Variants in MYH14 observed in about 807,000 individuals in gnomAD.
The protein encoded by MYH14 is myosin heavy chain 14.
Under a neutral mutation model 255.5 loss-of-function variants are expected in MYH14, and 123 were observed. The ratio of observed to expected loss-of-function variants is 0.48; its 90% CI spans 0.42 to 0.56. The LOEUF is 0.56. Among genes scored for constraint, MYH14 ranks in the 20% least tolerant of loss-of-function variants. The pLI, the probability that MYH14 is intolerant of heterozygous loss-of-function variation, is 0.00. For synonymous variants in MYH14, 1,095 were observed against 1,161.2 expected, an observed-to-expected ratio of 0.94 and a Z score of 1.16; for missense variants, 2,423 against 2,802.3, an observed-to-expected ratio of 0.86 and a Z score of 3.06.
Position 50,252,331 on chromosome 19 carries a change from G to A in MYH14, c.1831-308G>A, listed in dbSNP as rs1239373053. ...GCAGGAACCGCAGGGGTAAAACCCC[G>A]AGGTGGGAGTAAGCTCGCATGTTTG... On this transcript the variant is annotated intron_variant, in intron 15 of 42. Transcript: ENST00000642316. The surrounding 1 kb of genome is among the most constrained non-coding windows in gnomAD (Gnocchi z 4.2). Among the ~76,000 whole-genome samples the A allele has an allele frequency of 4.6e-5, 7 of 152,300 alleles. No individual in the cohort carries two copies. The highest frequency in any genetic ancestry group is 1.4e-4 in the African/African-American group (6 of 41,578).
chr19:50,293,027 G>A lies in MYH14; in HGVS notation c.5257-206G>A, dbSNP rs1373121633. 2.0e-5 allele frequency among the ~76,000 whole-genome samples: 3 copies of A among 151,904 alleles called. No homozygotes were observed. Among genetic ancestry groups the A allele is most frequent in the Non-Finnish European group, 2.9e-5 (2 of 67,948 alleles). On this transcript the variant is annotated intron_variant, in intron 37 of 42. Coordinates refer to ENST00000642316, the MANE Select transcript of MYH14 (RefSeq NM_001145809.2). This position sits in a 1 kb window ranked among gnomAD's most constrained non-coding sequence, Gnocchi z 4.1. Reference sequence around the variant, plus strand: ...GGTGGAGAGGGTGAGGGGCCTGGGGGTTGGGCTGCAAGAGGTGAGCACAGG... The same window carrying A: ...GGTGGAGAGGGTGAGGGGCCTGGGGATTGGGCTGCAAGAGGTGAGCACAGG...
intron 6 of MYH14, chr19:50,224,690 G>A (rs1600882345): frequency 2.4e-6 from 1 of 417,926 alleles, no homozygotes; most frequent in Non-Finnish European, 4.8e-6. Flanking sequence ...AGGGAAGTTT[G>A]GAGTAGAGTT....
chr19:50,300,610 G>C (rs2036447353), intron 39 of MYH14, among the ~76,000 whole-genome samples: 4 of 152,126 alleles, frequency 2.6e-5, no homozygotes. Context: ...TTAGCCAGTT[G>C]TGGTGGCAGG....
At chr19:50,299,562 C>T (rs2036402661) in intron 39 of MYH14, among the ~76,000 whole-genome samples, 1 of 96,804 alleles carries the variant, frequency 1.0e-5, no homozygotes, top group South Asian at 4.1e-4. Flanking sequence ...CAGAGCAAGA[C>T]TCCATCTCAA....
Position 50,224,115 on chromosome 19 carries a change from G to C in MYH14, c.694-39G>C, listed in dbSNP as rs779320015. On this transcript the variant is annotated intron_variant, in intron 5 of 42. Transcript: ENST00000642316. ...TGTGTCTGTCCACGTTCCATGTGCT[G>C]TGTCCTGGTCCGTGTCTCGTGTCCC... The C allele has an allele frequency of 5.2e-5, 83 of 1,593,580 alleles. 2 individuals are homozygous for C. In the Middle Eastern group the frequency reaches 1.3e-3, roughly 26 times the overall value.
At chr19:50,244,431 C>A in intron 11 of MYH14, 94 bp downstream of exon 11, 1 of 933,526 alleles carries the variant, frequency 1.1e-6, no homozygotes, top group Non-Finnish European at 1.7e-6. Context: ...AGAGCATCCC[C>A]CTTCCAGCCA....
In MYH14 at chr19:50,281,735, C is replaced by T. The variant is rs199551130; in HGVS notation, c.4432C>T (p.Arg1478Trp). ...EKTETVDRLE[R>W]GRRRLQQELD... is the part of the protein sequence containing the mutation. Reference sequence around the variant, plus strand: ...GACAGAGACCGTGGATCGGCTGGAGCGGGGCCGCCGCCGGCTGCAGCAGGA... The same window carrying T: ...GACAGAGACCGTGGATCGGCTGGAGTGGGGCCGCCGCCGGCTGCAGCAGGA... Residue 1478 changes from arginine to tryptophan, a missense_variant, in exon 33 of 43, where the codon CGG becomes TGG. Coordinates refer to ENST00000642316, the MANE Select transcript of MYH14 (RefSeq NM_001145809.2). 4.0e-5 allele frequency: 65 copies of T among 1,611,280 alleles called. No individual in the cohort carries two copies. The highest frequency in any genetic ancestry group is 4.7e-5 in the Non-Finnish European group (56 of 1,179,556).
At chr19:50,268,444 C>T (rs902726554) in intron 24 of MYH14, 77 bp downstream of exon 24, 11 of 1,438,154 alleles carry the variant, frequency 7.6e-6, no homozygotes, top group Non-Finnish European at 9.4e-6. Flanking sequence ...TTCTACAAAC[C>T]GTGTGTCTTT....
At position 50,244,308 on chromosome 19, in the gene MYH14, C is replaced by T; in HGVS notation, c.1181C>T (p.Thr394Ile). The T allele has an allele frequency of 1.2e-6, 2 of 1,613,676 alleles. No individual in the cohort carries two copies. The highest frequency in any genetic ancestry group is 1.7e-5 in the Admixed American group (1 of 59,982). ...GNIALKRERN[T>I]DQATMPDNTA... Reference sequence around the variant, plus strand: ...ATTGCCTTGAAGAGAGAACGGAACACCGATCAAGCCACCATGCCTGACAAC... The same window carrying T: ...ATTGCCTTGAAGAGAGAACGGAACATCGATCAAGCCACCATGCCTGACAAC... The change falls in exon 11 of 43, where the codon ACC (threonine) becomes ATC (isoleucine). Residue 394 changes from threonine (T) to isoleucine (I), a missense_variant. Thr to Ile is a moderately conservative substitution (Grantham distance 89, BLOSUM62 -1). This residue lies in a region of MYH14 where 672 missense variants were observed against 881.8 expected (regional missense o/e 0.76). Transcript: ENST00000642316.
In MYH14 at chr19:50,271,594, T is replaced by C. The variant is rs776331087; in HGVS notation, c.3171+48T>C. The C allele has an allele frequency of 1.9e-6, 3 of 1,580,356 alleles. No individual in the cohort carries two copies. In the Admixed American group the frequency reaches 5.5e-5, roughly 29 times the overall value. The stretch of plus-strand genomic sequence containing the variant: ...GGAAAGTGGGGATGGGGTGCATTGG[T>C]GGGTTAATGAATGGTGAACTTCACG... On this transcript the variant is annotated intron_variant, in intron 25 of 42. Coordinates refer to ENST00000642316, the MANE Select transcript of MYH14 (RefSeq NM_001145809.2).
chr19:50,262,040 G>A (rs1051967179), intron 21 of MYH14, among the ~76,000 whole-genome samples: 2 of 152,144 alleles, frequency 1.3e-5, no homozygotes, highest in African/African-American at 4.8e-5. Context: ...TAGAGTCCCA[G>A]TCCCGGGTGA....
chr19:50,303,925 A>G (rs1241354141), intron 40 of MYH14, among the ~76,000 whole-genome samples: 1 of 152,242 alleles, frequency 6.6e-6, no homozygotes, highest in East Asian at 1.9e-4. Context: ...AATGAACAGA[A>G]TATTTATTAC....
chr19:50,248,998 G>T lies in MYH14; in HGVS notation c.1341G>T (p.Ala447=), dbSNP rs1216791654. 1.5e-5 allele frequency: 24 copies of T among 1,613,514 alleles called. No individual in the cohort carries two copies. Among genetic ancestry groups the T allele is most frequent in the Non-Finnish European group, 2.0e-5 (24 of 1,179,798 alleles). The change falls in exon 13 of 43, where the codon GCG becomes GCT. Residue 447 remains alanine, a synonymous_variant. Transcript: ENST00000642316. ...GCCCTGTCCCACAGGCTGACTTCGC[G>T]CTGGAGGCCCTGGCCAAGGCCACCT... The part of the protein sequence containing the change: ...KAQTKEQADF[A]LEALAKATYE...
intron 11 of MYH14, among the ~76,000 whole-genome samples, 155 bp from the exon 12 acceptor site, chr19:50,246,847 GAA>G (rs1491028244): frequency 6.6e-6 from 1 of 152,128 alleles, no homozygotes; most frequent in Non-Finnish European, 1.5e-5. Flanking sequence ...GTTGGGCAGA[GAA>G]TGTACACACT....
chr19:50,246,914 C>T, intron 11 of MYH14, 90 bp from the exon 12 acceptor site: 1 of 896,110 alleles, frequency 1.1e-6, no homozygotes, highest in Non-Finnish European at 1.7e-6. Context: ...TCTGCTCCCC[C>T]AACAGTGTGG....
intron 19 of MYH14, among the ~76,000 whole-genome samples, chr19:50,259,525 A>G (rs2034742744): frequency 6.6e-6 from 1 of 152,226 alleles, no homozygotes; most frequent in Admixed American, 6.5e-5. Context: ...TTAGGGCAGT[A>G]GGCCCCAAAC....
At chr19:50,309,328 A>C in intron 42 of MYH14, 151 bp downstream of exon 42, 1 of 753,494 alleles carries the variant, frequency 1.3e-6, no homozygotes, top group Non-Finnish European at 2.2e-6. Context: ...GTTGCGGGAG[A>C]GCCAAATCCA....
intron 40 of MYH14, among the ~76,000 whole-genome samples, chr19:50,305,051 C>T (rs7250278): frequency 1.8e-3 from 280 of 152,090 alleles, no homozygotes; most frequent in Non-Finnish European, 2.6e-3. Context: ...TACTGGGCCA[C>T]GGAACTCTGT....
At position 50,280,345 on chromosome 19, in the gene MYH14, G is replaced by T. The variant is rs759326942; in HGVS notation, c.4252G>T (p.Glu1418Ter). The change falls in exon 32 of 43, where the codon GAA becomes TAA. Residue 1418 changes from glutamate to a stop codon, truncating the protein, a stop_gained. Coordinates refer to ENST00000642316, the MANE Select transcript of MYH14 (RefSeq NM_001145809.2). LOFTEE classifies it high-confidence loss of function. The surrounding 1 kb of genome is among the most constrained non-coding windows in gnomAD (Gnocchi z 4.8). The part of the protein sequence containing the change: ...EQLEEEAAAR[E>*]RAGRELQTAQ... ...GCTGGAGGAGGAGGCAGCTGCCAGG[G>T]AACGGGCGGGCCGTGAACTGCAGAC... is the stretch of plus-strand genomic sequence containing the variant. 6.5e-7 allele frequency: 1 copy of T among 1,548,244 alleles called. No homozygotes were observed. Among genetic ancestry groups the T allele is most frequent in the Admixed American group, 2.0e-5 (1 of 50,912 alleles).
Sources: allele counts gnomAD v4.1 joint callset (sites outside exome capture counted in the v4.1 genomes callset), GRCh38; gene constraint gnomAD v4.1.1; regional missense constraint gnomAD v4.1.1; non-coding constraint Gnocchi (gnomAD v3.1); transcripts MANE v1.5; gene names NCBI Gene and HGNC (gene_info 2026-07-23, HGNC 2026-07-21).